PARL: variants seen among roughly 807,000 people sequenced by gnomAD.
PARL encodes the protein presenilin-associated rhomboid-like protein, mitochondrial.
Under a neutral mutation model 51.6 loss-of-function variants are expected in PARL, and 44 were observed. That is an observed-to-expected ratio of 0.85 (90% CI 0.67 to 1.10). PARL has a LOEUF of 1.10. Ranked by LOEUF, PARL falls within the 50% of genes least tolerant of loss-of-function variation. The probability of loss-of-function intolerance (pLI) is 0.00; values close to 1 mark genes in which losing one functional copy is unlikely to be tolerated. For synonymous variants in PARL, 172 were observed against 164.0 expected (o/e 1.05, Z -0.37); for missense variants, 441 against 469.5 (o/e 0.94, Z 0.56).
intron 1 of PARL, among the ~76,000 whole-genome samples, chr3:183,881,402 G>T (rs141114656): frequency 1.3e-5 from 2 of 152,204 alleles, no homozygotes; most frequent in Admixed American, 1.3e-4. Flanking sequence ...GATTACAGGC[G>T]TGAGCCACTA....
chr3:183,874,112 TCACAA>T (rs1328098473), intron 1 of PARL, among the ~76,000 whole-genome samples: 1 of 152,194 alleles, frequency 6.6e-6, no homozygotes, highest in East Asian at 1.9e-4. Context: ...TCCGTAATTC[TCACAA>T]CACTTCAATT....
chr3:183,854,041 C>G (rs577267794), intron 4 of PARL, among the ~76,000 whole-genome samples: 57 of 152,014 alleles, frequency 3.7e-4, no homozygotes, highest in Non-Finnish European at 7.1e-4. Context: ...GAGTTTGAGA[C>G]CAGCCTGACC....
At chr3:183,828,189 TCTAA>T (rs923798414), downstream of PARL, among the ~76,000 whole-genome samples, 15 of 152,182 alleles carry the variant, frequency 9.9e-5, no homozygotes, top group East Asian at 3.8e-4. Flanking sequence ...TACAGGGACT[TCTAA>T]CTTTTTCCCA....
chr3:183,850,157 G>A (rs530532004), intron 4 of PARL, among the ~76,000 whole-genome samples: 2 of 152,170 alleles, frequency 1.3e-5, no homozygotes, highest in Non-Finnish European at 2.9e-5. Context: ...CAAACTTGGT[G>A]GCTTAAAACA....
downstream of PARL, chr3:183,826,839 C>A: frequency 3.3e-6 from 3 of 917,272 alleles, no homozygotes; most frequent in Non-Finnish European, 3.9e-6. Flanking sequence ...CTAAAATTCT[C>A]CATCTCGCAG....
chr3:183,871,633 T>A (rs898835150), intron 1 of PARL, among the ~76,000 whole-genome samples: 1 of 152,006 alleles, frequency 6.6e-6, no homozygotes, highest in African/African-American at 2.4e-5. Flanking sequence ...GTACATGATA[T>A]GTGATTCTGT....
chr3:183,859,149 C>G (rs1731511996), intron 4 of PARL, among the ~76,000 whole-genome samples: 1 of 151,794 alleles, frequency 6.6e-6, no homozygotes, highest in South Asian at 2.1e-4. Context: ...ACTAAAAATA[C>G]AAAAAAATTA....
rs567175130 is a variant in PARL at position 183,884,729 on chromosome 3, C to G, written c.118G>C (p.Gly40Arg). The G allele has an allele frequency of 6.3e-7, 1 of 1,589,296 alleles. No individual in the cohort carries two copies. The highest frequency in any genetic ancestry group is 2.3e-5 in the East Asian group (1 of 43,608). The change falls in exon 1 of 10, where the codon GGA (glycine) becomes CGA (arginine). Residue 40 changes from glycine (G) to arginine (R), a missense_variant. Coordinates refer to ENST00000317096, the MANE Select transcript of PARL (RefSeq NM_018622.7). Reference sequence around the variant, plus strand: ...GAGCGCGGCGGCTATTACCTGCGTCCGAGGAGCTGCGGCGGGGTTAGGACC... The same window carrying G: ...GAGCGCGGCGGCTATTACCTGCGTCGGAGGAGCTGCGGCGGGGTTAGGACC... ...TAVLTPPQLLGRRFNFFIQQK... is the reference protein window; with the variant it reads ...TAVLTPPQLLRRRFNFFIQQK...
chr3:183,829,297 A>C lies in PARL; in HGVS notation c.*301T>G. 1 of 766,942 alleles carries C rather than the reference A, an allele frequency of 1.3e-6. No individual in the cohort carries two copies. Among genetic ancestry groups the C allele is most frequent in the Non-Finnish European group, 1.9e-6 (1 of 532,912 alleles). The allele number at this position is 766,942 out of a possible 1,614,324, so 47.5% of individuals were successfully genotyped here. A position where few individuals can be genotyped will look rare whatever the true frequency, so the allele number is the denominator to read the frequency against. On this transcript the variant is annotated 3_prime_UTR_variant, in exon 10 of 10. Transcript: ENST00000317096. The stretch of plus-strand genomic sequence containing the variant: ...CCTTCATGTTCTGATCAGGCCTTTC[A>C]GGGTGCACTCTCCCCAGGTCCTGTC...
chr3:183,839,018 C>T (rs1374282487), intron 7 of PARL, among the ~76,000 whole-genome samples: 2 of 152,098 alleles, frequency 1.3e-5, no homozygotes, highest in Admixed American at 1.3e-4. Flanking sequence ...ATATTAGGTG[C>T]TTAGCTGTTG....
At chr3:183,871,739 G>A (rs943382886) in intron 1 of PARL, among the ~76,000 whole-genome samples, 1 of 152,152 alleles carries the variant, frequency 6.6e-6, no homozygotes, top group Admixed American at 6.5e-5. Flanking sequence ...GACAGGAAAG[G>A]AGCAAGAGGA....
chr3:183,839,888 AC>A (rs35541742), intron 7 of PARL, among the ~76,000 whole-genome samples: 1 of 151,510 alleles, frequency 6.6e-6, no homozygotes, highest in Non-Finnish European at 1.5e-5. Flanking sequence ...ATAAGCCACC[AC>A]CCCCAGTTAA....
At chr3:183,857,095 G>A (rs1731261844) in intron 4 of PARL, among the ~76,000 whole-genome samples, 1 of 152,168 alleles carries the variant, frequency 6.6e-6, no homozygotes, top group African/African-American at 2.4e-5. Flanking sequence ...CAGGCACAGT[G>A]GTTCACACCT....
intron 2 of PARL, 104 bp downstream of exon 2, chr3:183,867,760 TC>T (rs1340047232): frequency 1.3e-5 from 11 of 816,530 alleles, no homozygotes; most frequent in South Asian, 1.1e-4. Context: ...CTCTTTTTGA[TC>T]CCCCCTCTAC....
chr3:183,838,164 T>G (rs1011032873), intron 7 of PARL, among the ~76,000 whole-genome samples: 1 of 151,936 alleles, frequency 6.6e-6, no homozygotes, highest in East Asian at 1.9e-4. Context: ...TAGGTAGGAT[T>G]ACAGGTGCAT....
intron 7 of PARL, among the ~76,000 whole-genome samples, chr3:183,839,193 G>A (rs1729005515): frequency 6.6e-6 from 1 of 152,160 alleles, no homozygotes; most frequent in Non-Finnish European, 1.5e-5. Flanking sequence ...CAAATTTGGG[G>A]AACATACAAA....
At chr3:183,840,164 G>A (rs1729120308) in intron 7 of PARL, among the ~76,000 whole-genome samples, 1 of 152,214 alleles carries the variant, frequency 6.6e-6, no homozygotes. Context: ...TTATCCCCAG[G>A]CTCTAGCATA....
chr3:183,838,961 C>T lies in PARL; in HGVS notation c.828+1609G>A, dbSNP rs1050034752. ...TGTATGTTTTCTCCCCAGCTAAATT[C>T]GAATTCTGAGTCTCTGATTCATCCT... On this transcript the variant is annotated intron_variant, in intron 7 of 9. Transcript: ENST00000317096. Among the ~76,000 whole-genome samples, 4 of 152,294 alleles carry T rather than the reference C, an allele frequency of 2.6e-5. No individual in the cohort carries two copies. In the East Asian group the frequency reaches 5.8e-4, roughly 22 times the overall value.
At position 183,882,222 on chromosome 3, in the gene PARL, A is replaced by AT. The variant is rs1553906018; in HGVS notation, c.125+2499_125+2500insA. ...ATGTCTCTAAAAAAAAAAAAAAAAA[A>AT]ATATATATATATATATATATATTTA... is the stretch of plus-strand genomic sequence containing the variant. On this transcript the variant is annotated intron_variant, in intron 1 of 9. Coordinates refer to ENST00000317096, the MANE Select transcript of PARL (RefSeq NM_018622.7). Among the ~76,000 whole-genome samples the AT allele has an allele frequency of 4.2e-3, 195 of 46,106 alleles. 4 individuals are homozygous for AT. Among genetic ancestry groups the AT allele is most frequent in the East Asian group, 0.039 (29 of 742 alleles). 30.2% of individuals were successfully genotyped at this position (46,106 alleles called of 152,430 possible).
Sources: gnomAD v4.1 joint callset for allele counts (sites outside exome capture counted in the v4.1 genomes callset) on GRCh38, gnomAD v4.1.1 for gene constraint, MANE v1.5 for transcripts, NCBI Gene and HGNC (gene_info 2026-07-23, HGNC 2026-07-21) for gene names.